Variants in COL12A1 observed in about 807,000 individuals in gnomAD.
The protein encoded by COL12A1 is collagen alpha-1(XII) chain.
COL12A1 carries 114 observed loss-of-function variants against 349.7 expected under a neutral mutation model. The ratio of observed to expected loss-of-function variants is 0.33; its 90% CI spans 0.28 to 0.38. COL12A1 has a LOEUF of 0.38. Ranked by LOEUF, COL12A1 falls within the 10% of genes least tolerant of loss-of-function variation. The probability of loss-of-function intolerance (pLI) is 1.00; values close to 1 mark genes in which losing one functional copy is unlikely to be tolerated. For missense variants in COL12A1, 3,284 were observed against 3,756.9 expected (o/e 0.87, Z 3.29); for synonymous variants, 1,369 against 1,329.0 (o/e 1.03, Z -0.66).
At chr6:75,188,762 T>A (rs562173445) in intron 7 of COL12A1, among the ~76,000 whole-genome samples, 1 of 152,284 alleles carries the variant, frequency 6.6e-6, no homozygotes, top group South Asian at 2.1e-4. Context: ...AAAAAGTGGT[T>A]GGTTAAACAG....
rs369234529 is a variant in COL12A1 at position 75,189,736 on chromosome 6, G to A, written c.474C>T (p.Tyr158=). 1 of 1,613,290 alleles carries A rather than the reference G, an allele frequency of 6.2e-7. No homozygotes were observed. The highest frequency in any genetic ancestry group is 2.2e-5 in the East Asian group (1 of 44,868). The stretch of plus-strand genomic sequence containing the variant: ...CAAGAGCAGCAATGAAGTCTAAAAT[G>A]TACTTGAAATTATTTCTTCCCACAC... ...SWSVGRNNFK[Y]ILDFIAALVS... is the part of the protein sequence containing the mutation. Residue 158 remains tyrosine (Y), a synonymous_variant, in exon 6 of 66, where the codon TAC becomes TAT. Transcript: ENST00000322507.
intron 38 of COL12A1, among the ~76,000 whole-genome samples, chr6:75,126,937 C>T (rs1177946475): frequency 6.6e-6 from 1 of 152,094 alleles, no homozygotes. Flanking sequence ...TATCCTCCAC[C>T]ACCATTACCT....
intron 27 of COL12A1, among the ~76,000 whole-genome samples, chr6:75,141,017 T>C (rs1003945800): frequency 2.0e-5 from 3 of 152,210 alleles, no homozygotes; most frequent in Non-Finnish European, 4.4e-5. Flanking sequence ...TTAATAATTA[T>C]TGTACTGATA....
intron 55 of COL12A1, among the ~76,000 whole-genome samples, 194 bp downstream of exon 55, chr6:75,103,563 C>CTA (rs1768404368): frequency 6.6e-6 from 1 of 152,202 alleles, no homozygotes; most frequent in Admixed American, 6.5e-5. Context: ...GACATGCATC[C>CTA]TATGCATTTC....
intron 51 of COL12A1, among the ~76,000 whole-genome samples, chr6:75,110,278 G>GA (rs1416229099): frequency 1.2e-4 from 18 of 151,920 alleles, no homozygotes; most frequent in African/African-American, 4.1e-4. Context: ...CAAGGCATGT[G>GA]AAAAACCACA....
chr6:75,106,188 T>G (rs2149348896), intron 53 of COL12A1, among the ~76,000 whole-genome samples: 1 of 152,312 alleles, frequency 6.6e-6, no homozygotes, highest in East Asian at 1.9e-4. Context: ...TCAGCAGGAC[T>G]TTTCTCTTAG....
In COL12A1 at chr6:75,189,622, C is replaced by A. The variant is rs748928908; in HGVS notation, c.588G>T (p.Gln196His). ...CAAGAAGTTCATCCCTTTGGTAGTA[C>A]TGATTTAAGTTAAATTCAGTCCTGG... is the stretch of plus-strand genomic sequence containing the variant. ...SDTRTEFNLN[Q>H]YYQRDELLAA... The change falls in exon 6 of 66, where the codon CAG becomes CAT. Residue 196 changes from glutamine to histidine, a missense_variant. This residue lies in a region of COL12A1 where 2,601 missense variants were observed against 2,824.8 expected (regional missense o/e 0.92). Coordinates refer to ENST00000322507, the MANE Select transcript of COL12A1 (RefSeq NM_004370.6). 3 of 1,613,226 alleles carry A rather than the reference C, an allele frequency of 1.9e-6. No individual in the cohort carries two copies. Among genetic ancestry groups the A allele is most frequent in the Non-Finnish European group, 2.5e-6 (3 of 1,179,470 alleles).
intron 4 of COL12A1, 51 bp downstream of exon 4, chr6:75,192,161 C>T: frequency 7.3e-7 from 1 of 1,365,928 alleles, no homozygotes; most frequent in Non-Finnish European, 9.7e-7. Context: ...TTGGAAAAAC[C>T]TTCTGCAAAA....
At chr6:75,189,519 A>T in intron 6 of COL12A1, 33 bp downstream of exon 6, 1 of 1,592,700 alleles carries the variant, frequency 6.3e-7, no homozygotes, top group Non-Finnish European at 8.5e-7. Flanking sequence ...CATTTCATTT[A>T]TTTTTAACTT....
Position 75,133,367 on chromosome 6 carries a change from G to A in COL12A1, c.5720C>T (p.Thr1907Ile), listed in dbSNP as rs775776032. ...YAILRNLQPD[T>I]SYTVTVVPVY... ...GGGAACTACAGTCACAGTGTATGAGGTATCTGGCTGCAGATTCCTAAGAAT... is the reference window on the plus strand; with the variant it reads ...GGGAACTACAGTCACAGTGTATGAGATATCTGGCTGCAGATTCCTAAGAAT... Residue 1907 changes from threonine to isoleucine, a missense_variant, in exon 34 of 66, where the codon ACC becomes ATC. Physicochemically the swap from Thr to Ile is moderately conservative, Grantham distance 89. Coordinates refer to ENST00000322507, the MANE Select transcript of COL12A1 (RefSeq NM_004370.6). 5 of 1,613,016 alleles carry A rather than the reference G, an allele frequency of 3.1e-6. No individual in the cohort carries two copies. The highest frequency in any genetic ancestry group is 4.2e-6 in the Non-Finnish European group (5 of 1,179,468).
chr6:75,200,725 A>G (rs1251415132), intron 2 of COL12A1, among the ~76,000 whole-genome samples: 1 of 152,220 alleles, frequency 6.6e-6, no homozygotes, highest in African/African-American at 2.4e-5. Context: ...AATAAAATAC[A>G]TTATAAAATT....
rs114204065 is a variant in COL12A1, at chr6:75,194,520, C to A, written c.190+311G>T. 8.6e-3 allele frequency among the ~76,000 whole-genome samples: 1,307 copies of A among 152,014 alleles called. 19 individuals are homozygous for A. Among genetic ancestry groups the A allele is most frequent in the Middle Eastern group, 0.031 (9 of 294 alleles). ...AATATTAAGTAATTCAAGAAGAATG[C>A]CAAAGAATGAGGATTTGATTCTATA... On this transcript the variant is annotated intron_variant, in intron 3 of 65. Transcript: ENST00000322507.
chr6:75,103,175 C>A (rs1768382889), intron 55 of COL12A1, among the ~76,000 whole-genome samples: 1 of 152,186 alleles, frequency 6.6e-6, no homozygotes, highest in Non-Finnish European at 1.5e-5. Flanking sequence ...AAGGCACAAC[C>A]TTGGCATCAG....
chr6:75,165,407 T>C (rs954161800), intron 14 of COL12A1, 100 bp downstream of exon 14: 172 of 1,443,466 alleles, frequency 1.2e-4, no homozygotes, highest in Non-Finnish European at 1.5e-4. Context: ...ATTTATCATG[T>C]AAAGAAAAAA....
intron 11 of COL12A1, 53 bp from the exon 12 acceptor site, chr6:75,177,988 A>G (rs1224727691): frequency 3.9e-5 from 59 of 1,506,092 alleles, no homozygotes; most frequent in Non-Finnish European, 5.2e-5. Flanking sequence ...CTGACTTTAT[A>G]TGAAAAATAC....
In COL12A1 at chr6:75,106,427, G is replaced by A. The variant is rs766567574; in HGVS notation, c.8170C>T (p.Pro2724Ser). Residue 2724 changes from proline (P) to serine (S), a missense_variant, in exon 53 of 66, where the codon CCC becomes TCC. Transcript: ENST00000322507. ...AATTCTGTTTTACTTACCCTAGAGGGAATATCACAGCATCTGTCTCTACTG... is the reference window on the plus strand; with the variant it reads ...AATTCTGTTTTACTTACCCTAGAGGAAATATCACAGCATCTGTCTCTACTG... ...WTSRDRCCDI[P>S]SRRDEGKCPA... 1.4e-5 allele frequency: 22 copies of A among 1,613,244 alleles called. No individual in the cohort carries two copies. In the South Asian group the frequency reaches 2.4e-4, roughly 18 times the overall value.
intron 45 of COL12A1, 42 bp downstream of exon 45, chr6:75,119,308 A>C (rs200466104): frequency 7.5e-6 from 12 of 1,605,356 alleles, no homozygotes; most frequent in Non-Finnish European, 1.0e-5. Flanking sequence ...CAGTTCTGCC[A>C]CTACAAATGC....
chr6:75,182,103 A>G (rs1186605212), intron 10 of COL12A1, among the ~76,000 whole-genome samples: 1 of 151,646 alleles, frequency 6.6e-6, no homozygotes, highest in Non-Finnish European at 1.5e-5. Flanking sequence ...CTCAAAAAAA[A>G]AAAAAAAAGA....
At chr6:75,106,842 G>A (rs1048327529) in intron 52 of COL12A1, among the ~76,000 whole-genome samples, 1 of 145,062 alleles carries the variant, frequency 6.9e-6, no homozygotes, top group Non-Finnish European at 1.5e-5. Flanking sequence ...ATGTTTGAGT[G>A]AGTTTTGTTC....
Sources: gnomAD v4.1 joint callset for allele counts (sites outside exome capture counted in the v4.1 genomes callset) on GRCh38, gnomAD v4.1.1 for gene constraint, gnomAD v4.1.1 regional missense constraint, MANE v1.5 for transcripts, NCBI Gene and HGNC (gene_info 2026-07-23, HGNC 2026-07-21) for gene names.